The following NSD3 variants were observed in gnomAD, a reference collection of about 807,000 sequenced individuals.
NSD3 encodes the protein nuclear receptor binding SET domain protein 3, also known as histone-lysine N-methyltransferase NSD3.
Under a neutral mutation model 160.8 loss-of-function variants are expected in NSD3, and 24 were observed. That is an observed-to-expected ratio of 0.15 (90% CI 0.11 to 0.21). NSD3 has a LOEUF of 0.21. Among genes scored for constraint, NSD3 ranks in the 10% least tolerant of loss-of-function variants. The pLI, the probability that NSD3 is intolerant of heterozygous loss-of-function variation, is 1.00. For missense variants in NSD3, 1,157 were observed against 1,735.9 expected (o/e 0.67, Z 5.93); for synonymous variants, 520 against 600.0 (o/e 0.87, Z 1.95).
At chr8:38,284,798 T>C (rs960307159) in intron 19 of NSD3, among the ~76,000 whole-genome samples, 5 of 152,352 alleles carry the variant, frequency 3.3e-5, no homozygotes, top group East Asian at 1.9e-4. Flanking sequence ...TTTGAAGAAA[T>C]AGTTTTGTGA....
Position 38,278,338 on chromosome 8 carries a change from T to G in NSD3, c.3835A>C (p.Asn1279His). 1 of 1,614,004 alleles carries G rather than the reference T, an allele frequency of 6.2e-7. No homozygotes were observed. The change falls in exon 22 of 24, where the codon AAC (asparagine) becomes CAC (histidine). Residue 1279 changes from asparagine (N) to histidine (H), a missense_variant. By Grantham distance (68) the Asn-to-His change is moderately conservative. Around this residue, in one of 10 missense-constraint regions of NSD3, gnomAD observed 222 missense variants for 409.9 expected, o/e 0.54. Transcript: ENST00000317025. The part of the protein sequence containing the change: ...GRTECHCGAD[N>H]CSGFLGVRPK... ...CGCACTCCTAGAAAACCACTGCAGT[T>G]ATCTGCTCCACAGTGGCACTCCGTT...
intron 7 of NSD3, among the ~76,000 whole-genome samples, chr8:38,322,273 T>C (rs547393078): frequency 2.6e-5 from 4 of 152,332 alleles, no homozygotes; most frequent in Admixed American, 2.6e-4. Context: ...AGCGGGTAGT[T>C]TGATAACAAT....
intron 8 of NSD3, chr8:38,320,823 G>A: frequency 3.0e-6 from 1 of 330,452 alleles, no homozygotes; most frequent in Non-Finnish European, 5.4e-6. Context: ...TAAATGTGAA[G>A]GATTTTTTAA....
intron 1 of NSD3, 98 bp from the exon 2 acceptor site, chr8:38,348,313 A>G: frequency 4.5e-6 from 4 of 881,348 alleles, no homozygotes; most frequent in Non-Finnish European, 6.6e-6. Context: ...TTTGAACTCA[A>G]TTTTCATATC....
intron 21 of NSD3, among the ~76,000 whole-genome samples, chr8:38,278,816 A>G (rs1185163800): frequency 6.6e-6 from 1 of 152,252 alleles, no homozygotes; most frequent in Non-Finnish European, 1.5e-5. Flanking sequence ...TTACTGCCTT[A>G]TATTATGATC....
intron 1 of NSD3, among the ~76,000 whole-genome samples, chr8:38,365,837 T>C (rs960772136): frequency 6.6e-6 from 1 of 152,138 alleles, no homozygotes; most frequent in African/African-American, 2.4e-5. Flanking sequence ...GATCATCAGG[T>C]ACTTTTATTT....
At chr8:38,294,438 G>A (rs1227128704) in intron 16 of NSD3, among the ~76,000 whole-genome samples, 1 of 152,090 alleles carries the variant, frequency 6.6e-6, no homozygotes, top group African/African-American at 2.4e-5. Context: ...GCAAAGGCTC[G>A]TTGAAGCCTT....
chr8:38,361,008 C>G (rs1189330608), intron 1 of NSD3, among the ~76,000 whole-genome samples: 6 of 152,182 alleles, frequency 3.9e-5, no homozygotes, highest in Admixed American at 3.9e-4. Context: ...AAGGACCACT[C>G]TTTTCAATAA....
intron 1 of NSD3, among the ~76,000 whole-genome samples, chr8:38,362,995 C>T (rs138299728): frequency 4.0e-4 from 61 of 152,284 alleles, no homozygotes; most frequent in African/African-American, 1.4e-3. Context: ...AACTTCAGTG[C>T]TCAGAGAATT....
At chr8:38,280,783 T>TG (rs1210620911) in intron 20 of NSD3, among the ~76,000 whole-genome samples, 1 of 151,864 alleles carries the variant, frequency 6.6e-6, no homozygotes, top group African/African-American at 2.4e-5. Flanking sequence ...GACAGGGTCT[T>TG]GTTCCATTGC....
intron 13 of NSD3, among the ~76,000 whole-genome samples, chr8:38,305,007 T>C (rs1302045470): frequency 4.6e-5 from 7 of 152,158 alleles, no homozygotes; most frequent in Non-Finnish European, 1.0e-4. Flanking sequence ...TGGTATCCAA[T>C]ATGGCACCTA....
At chr8:38,310,779 T>G (rs925712761) in intron 12 of NSD3, among the ~76,000 whole-genome samples, 3 of 152,080 alleles carry the variant, frequency 2.0e-5, no homozygotes, top group African/African-American at 7.2e-5. Context: ...CCCAAAATCC[T>G]TGGATTACAG....
intron 1 of NSD3, among the ~76,000 whole-genome samples, chr8:38,363,257 A>G (rs1811028915): frequency 6.6e-6 from 1 of 152,260 alleles, no homozygotes; most frequent in Admixed American, 6.5e-5. Flanking sequence ...TATACTATTC[A>G]GGTGGACCCA....
In NSD3 at chr8:38,315,331, T is replaced by C. The variant is rs965514154; in HGVS notation, c.2115+85A>G. ...AATATCATAATAATTTGGAAACATA[T>C]TATCCTCTTCAACAGGAGTTAAGTC... On this transcript the variant is annotated intron_variant, in intron 11 of 23. Transcript: ENST00000317025. The C allele has an allele frequency of 5.1e-5, 72 of 1,398,848 alleles. No individual in the cohort carries two copies. In the East Asian group the frequency reaches 1.8e-3, roughly 35 times the overall value. The allele number at this position is 1,398,848 out of a possible 1,614,324, so 86.7% of individuals were successfully genotyped here. A position where few individuals can be genotyped will look rare whatever the true frequency, so the allele number is the denominator to read the frequency against.
Position 38,274,553 on chromosome 8 carries a change from A to G in NSD3, c.*1088T>C, listed in dbSNP as rs999082350. ...ACCCCCCAAATTAGGAACTCAACCA[A>G]AAAGATCTATTCAAATACAATTCAA... is the stretch of plus-strand genomic sequence containing the variant. On this transcript the variant is annotated 3_prime_UTR_variant, in exon 24 of 24. Transcript: ENST00000317025. The G allele has an allele frequency of 6.6e-6, 1 of 152,228 alleles. No individual in the cohort carries two copies. The highest frequency in any genetic ancestry group is 1.5e-5 in the Non-Finnish European group (1 of 68,034). 9.4% of individuals were successfully genotyped at this position (152,228 alleles called of 1,614,324 possible).
intron 1 of NSD3, among the ~76,000 whole-genome samples, chr8:38,381,039 A>G (rs981397775): frequency 6.6e-6 from 1 of 152,088 alleles, no homozygotes; most frequent in East Asian, 1.9e-4. Context: ...CAGCTTCTCT[A>G]TTCTCTAGCC....
intron 15 of NSD3, among the ~76,000 whole-genome samples, chr8:38,298,706 T>C (rs1311803327): frequency 6.6e-6 from 1 of 152,158 alleles, no homozygotes; most frequent in Non-Finnish European, 1.5e-5. Flanking sequence ...AAATAATACA[T>C]CATTGTTAAA....
At chr8:38,369,599 A>G (rs1447323540) in intron 1 of NSD3, among the ~76,000 whole-genome samples, 1 of 152,208 alleles carries the variant, frequency 6.6e-6, no homozygotes, top group East Asian at 1.9e-4. Context: ...ATTATCAACT[A>G]TGTGTCTGGT....
rs750212956 is a variant in NSD3, at chr8:38,304,602, A to G, written c.2596T>C (p.Phe866Leu). The G allele has an allele frequency of 3.1e-6, 5 of 1,611,376 alleles. No homozygotes were observed. In the East Asian group the frequency reaches 1.1e-4, roughly 36 times the overall value. Residue 866 changes from phenylalanine to leucine, a missense_variant, in exon 14 of 24, where the codon TTC becomes CTC. By Grantham distance (22) the Phe-to-Leu change is conservative (BLOSUM62 0). Around this residue, in one of 10 missense-constraint regions of NSD3, gnomAD observed 437 missense variants for 576.6 expected, o/e 0.76. Coordinates refer to ENST00000317025, the MANE Select transcript of NSD3 (RefSeq NM_023034.2). ...AGACACTCACCTCTGGCACAAACGA[A>G]ACAAAAGCCTACATTTACAGCAGAA... is the stretch of plus-strand genomic sequence containing the variant. ...NSSAVNVGFC[F>L]VCARGLIVQD... is the part of the protein sequence containing the mutation.
Sources: allele counts gnomAD v4.1 joint callset (sites outside exome capture counted in the v4.1 genomes callset), GRCh38; gene constraint gnomAD v4.1.1; regional missense constraint gnomAD v4.1.1; transcripts MANE v1.5; gene names NCBI Gene and HGNC (gene_info 2026-07-23, HGNC 2026-07-21).